PCDH15: variants seen among roughly 807,000 people sequenced by gnomAD.
PCDH15 encodes protocadherin-15.
PCDH15 carries 129 observed loss-of-function variants against 178.5 expected under a neutral mutation model. The ratio of observed to expected loss-of-function variants is 0.72; its 90% CI spans 0.63 to 0.84. PCDH15 has a LOEUF of 0.84. Among genes scored for constraint, PCDH15 ranks in the 40% least tolerant of loss-of-function variants. PCDH15 has a pLI of 0.00. For missense variants in PCDH15, 2,230 were observed against 2,099.9 expected (o/e 1.06, Z -1.21); for synonymous variants, 800 against 732.0 (o/e 1.09, Z -1.50).
chr10:54,132,713 A>G (rs965670088), intron 15 of PCDH15, among the ~76,000 whole-genome samples, 162 bp downstream of exon 15: 2 of 152,174 alleles, frequency 1.3e-5, no homozygotes, highest in Non-Finnish European at 1.5e-5. Context: ...CCCTCCATCC[A>G]TATTACCCTT....
At chr10:55,321,368 TC>T (rs1843896370), upstream of PCDH15, among the ~76,000 whole-genome samples, 1 of 152,098 alleles carries the variant, frequency 6.6e-6, no homozygotes, top group Non-Finnish European at 1.5e-5. Context: ...AGTCTATGAC[TC>T]ATTATCATCC....
At chr10:54,594,665 C>T (rs2092105423) in intron 2 of PCDH15, among the ~76,000 whole-genome samples, 1 of 152,216 alleles carries the variant, frequency 6.6e-6, no homozygotes, top group Non-Finnish European at 1.5e-5. Flanking sequence ...ATCTCTTTGC[C>T]TGTACATGTG....
chr10:54,796,758 T>G (rs1317848117), intron 1 of PCDH15, among the ~76,000 whole-genome samples: 2 of 152,002 alleles, frequency 1.3e-5, no homozygotes, highest in Non-Finnish European at 2.9e-5. Flanking sequence ...TCTGTGAATA[T>G]CTTTCTGTGA....
At chr10:53,823,049 C>CTTGTATT in intron 32 of PCDH15, 1 of 1,613,982 alleles carries the variant, frequency 6.2e-7, no homozygotes. Context: ...GAGACTTACT[C>CTTGTATT]TTGGCTTGTA....
intron 3 of PCDH15, among the ~76,000 whole-genome samples, chr10:54,889,838 C>A (rs891424733): frequency 5.3e-5 from 8 of 151,594 alleles, no homozygotes; most frequent in Admixed American, 3.3e-4. Context: ...GTGCGAATAA[C>A]CCTAAAATCT....
intron 1 of PCDH15, among the ~76,000 whole-genome samples, chr10:55,214,120 T>C (rs1385098144): frequency 6.6e-6 from 1 of 151,998 alleles, no homozygotes; most frequent in African/African-American, 2.4e-5. Flanking sequence ...ACATATTCTC[T>C]ATGGTACTTG....
At chr10:54,398,106 A>G (rs1260398490) in intron 3 of PCDH15, among the ~76,000 whole-genome samples, 2 of 151,960 alleles carry the variant, frequency 1.3e-5, no homozygotes, top group African/African-American at 4.8e-5. Context: ...TAAAGTAACT[A>G]TATGACTATC....
At chr10:54,942,033 T>G (rs1838075826) in intron 2 of PCDH15, among the ~76,000 whole-genome samples, 1 of 152,098 alleles carries the variant, frequency 6.6e-6, no homozygotes, top group African/African-American at 2.4e-5. Context: ...TTGACAATAC[T>G]CTGGGGCTGG....
At chr10:54,478,472 AT>A (rs1235354143) in intron 3 of PCDH15, among the ~76,000 whole-genome samples, 4 of 152,150 alleles carry the variant, frequency 2.6e-5, no homozygotes, top group African/African-American at 9.7e-5. Context: ...GTTACTATGT[AT>A]TGCCAAGTTT....
intron 2 of PCDH15, among the ~76,000 whole-genome samples, chr10:55,355,720 A>C (rs1845059784): frequency 6.6e-6 from 1 of 151,972 alleles, no homozygotes; most frequent in South Asian, 2.1e-4. Context: ...AGTGCCATTC[A>C]CATTAAAAAG....
intron 26 of PCDH15, among the ~76,000 whole-genome samples, chr10:53,879,944 G>A (rs537805869): frequency 3.3e-5 from 5 of 152,232 alleles, no homozygotes; most frequent in Admixed American, 2.0e-4. Flanking sequence ...GAGCCATCGC[G>A]GCTAGCCGTA....
intron 2 of PCDH15, among the ~76,000 whole-genome samples, chr10:55,097,329 T>C (rs1050024595): frequency 1.3e-5 from 2 of 152,108 alleles, no homozygotes; most frequent in Admixed American, 1.3e-4. Context: ...AAATTAAAGC[T>C]TAAGAAGTAA....
At chr10:55,468,144 A>C (rs1589055067) in intron 2 of PCDH15, among the ~76,000 whole-genome samples, 2 of 152,064 alleles carry the variant, frequency 1.3e-5, no homozygotes, top group South Asian at 4.2e-4. Context: ...AGGGGGGAAA[A>C]GTTAGTGACA....
At chr10:55,431,965 A>C (rs1838890545) in intron 2 of PCDH15, among the ~76,000 whole-genome samples, 1 of 152,026 alleles carries the variant, frequency 6.6e-6, no homozygotes, top group Admixed American at 6.6e-5. Context: ...CTCTAGGGAG[A>C]TTGTAGTAAA....
intron 5 of PCDH15, among the ~76,000 whole-genome samples, chr10:54,352,401 C>T (rs115152224): frequency 0.018 from 2,714 of 152,160 alleles, 87 homozygotes; most frequent in African/African-American, 0.062. Context: ...AAGAGCCACC[C>T]TAGAGGAAAA....
At chr10:54,699,780 T>G (rs2095283680) in intron 1 of PCDH15, among the ~76,000 whole-genome samples, 1 of 151,966 alleles carries the variant, frequency 6.6e-6, no homozygotes, top group Non-Finnish European at 1.5e-5. Flanking sequence ...TTACATTATT[T>G]AGCATCTCAG....
rs546908476 is a variant in PCDH15, at chr10:54,624,877, C to T, written c.91+39295G>A. Among the ~76,000 whole-genome samples the T allele has an allele frequency of 2.6e-5, 4 of 152,290 alleles. No individual in the cohort carries two copies. The South Asian group carries it at 8.3e-4, about 32-fold the overall frequency. ...GTTCCCATCACCCAGGTGGGATTGTCTAGTTGCAGGAAAACAAGCTCAGGA... is the reference window on the plus strand; with the variant it reads ...GTTCCCATCACCCAGGTGGGATTGTTTAGTTGCAGGAAAACAAGCTCAGGA... On this transcript the variant is annotated intron_variant, in intron 2 of 37. Transcript: ENST00000644397.
chr10:54,598,765 T>C (rs2092364952), intron 2 of PCDH15, among the ~76,000 whole-genome samples: 1 of 152,098 alleles, frequency 6.6e-6, no homozygotes, highest in Non-Finnish European at 1.5e-5. Context: ...GACAAACAAC[T>C]TCAGCAAAGT....
At chr10:54,430,754 A>G (rs1479060019) in intron 3 of PCDH15, among the ~76,000 whole-genome samples, 9 of 152,116 alleles carry the variant, frequency 5.9e-5, no homozygotes, top group African/African-American at 1.9e-4. Flanking sequence ...GAAGAAAATA[A>G]ATAATAAAGA....
Sources: gnomAD v4.1 joint callset for allele counts (sites outside exome capture counted in the v4.1 genomes callset) on GRCh38, gnomAD v4.1.1 for gene constraint, MANE v1.5 for transcripts, NCBI Gene and HGNC (gene_info 2026-07-23, HGNC 2026-07-21) for gene names.